The following CPNE4 variants were observed in gnomAD, a reference collection of about 807,000 sequenced individuals.
The protein encoded by CPNE4 is copine-4.
A neutral mutation model predicts 67.9 loss-of-function variants in CPNE4; 25 were observed. The ratio of observed to expected loss-of-function variants is 0.37; its 90% CI spans 0.27 to 0.51. The LOEUF (loss-of-function observed/expected upper bound fraction) is 0.51. Among genes scored for constraint, CPNE4 ranks in the 20% least tolerant of loss-of-function variants. CPNE4 has a pLI of 0.93. For synonymous variants in CPNE4, 242 were observed against 244.9 expected, an observed-to-expected ratio of 0.99 and a Z score of 0.11; for missense variants, 464 against 690.8, an observed-to-expected ratio of 0.67 and a Z score of 3.68.
At chr3:131,625,220 CTAT>C (rs2079045085) in intron 7 of CPNE4, among the ~76,000 whole-genome samples, 1 of 152,192 alleles carries the variant, frequency 6.6e-6, no homozygotes, top group African/African-American at 2.4e-5. Flanking sequence ...GGTCAAGGAA[CTAT>C]TATTTAAAGA....
At chr3:131,697,276 T>C (rs77320988) in intron 4 of CPNE4, among the ~76,000 whole-genome samples, 20,777 of 152,076 alleles carry the variant, frequency 0.14, 1,637 homozygotes, top group African/African-American at 0.2. Flanking sequence ...CAGAAATTGG[T>C]GGAGAAAGTC....
intron 8 of CPNE4, among the ~76,000 whole-genome samples, chr3:131,582,706 G>A (rs1194659769): frequency 1.3e-5 from 2 of 152,186 alleles, no homozygotes; most frequent in Non-Finnish European, 2.9e-5. Flanking sequence ...AAAAGCGCCT[G>A]TGTATTGGGG....
At chr3:131,536,402 A>G (rs1935148161) in intron 15 of CPNE4, among the ~76,000 whole-genome samples, 1 of 152,208 alleles carries the variant, frequency 6.6e-6, no homozygotes, top group Non-Finnish European at 1.5e-5. Context: ...TGGGCAAGCA[A>G]TTTCAATGGC....
Position 132,034,575 on chromosome 3 carries a change from G to C in CPNE4, c.-10C>G. ...AGTTGGCATTTACTTACCTGGGTGT[G>C]CCAATCTCGAAGAGTGGAGAGAGAA... On this transcript the variant is annotated 5_prime_UTR_variant, in exon 1 of 16. Transcript: ENST00000429747. 1 of 984,968 alleles carries C rather than the reference G, an allele frequency of 1.0e-6. No homozygotes were observed. Among genetic ancestry groups the C allele is most frequent in the Non-Finnish European group, 1.2e-6 (1 of 829,494 alleles). 61.0% of individuals were successfully genotyped at this position (984,968 alleles called of 1,614,324 possible).
At chr3:131,857,985 G>A (rs2086517624) in intron 2 of CPNE4, among the ~76,000 whole-genome samples, 1 of 152,062 alleles carries the variant, frequency 6.6e-6, no homozygotes, top group African/African-American at 2.4e-5. Flanking sequence ...TCTAAATTAT[G>A]CAAATAAGTC....
At chr3:132,031,016 C>A (rs77377439) in intron 1 of CPNE4, among the ~76,000 whole-genome samples, 7,336 of 152,078 alleles carry the variant, frequency 0.048, 236 homozygotes, top group Non-Finnish European at 0.065. Context: ...GATGTGTAAC[C>A]CCAACCTAAA....
chr3:131,549,998 G>T lies in CPNE4; in HGVS notation c.1251C>A (p.Ile417=). Residue 417 remains isoleucine (I), a synonymous_variant, in exon 14 of 16, where the codon ATC becomes ATA. Coordinates refer to ENST00000429747, the MANE Select transcript of CPNE4 (RefSeq NM_130808.3). ...LYGPTNIAPI[I]QKVAKSASEE... ...CTGACGCTGACTTGGCAACCTTCTG[G>T]ATGATGGGGGCAATGTTGGTGGGAC... 6.2e-7 allele frequency: 1 copy of T among 1,613,200 alleles called. No homozygotes were observed. Among genetic ancestry groups the T allele is most frequent in the Non-Finnish European group, 8.5e-7 (1 of 1,179,442 alleles).
At chr3:132,026,773 G>A (rs2074123990) in intron 1 of CPNE4, among the ~76,000 whole-genome samples, 1 of 152,280 alleles carries the variant, frequency 6.6e-6, no homozygotes, top group East Asian at 1.9e-4. Flanking sequence ...GGTTGGGAAA[G>A]TAGGAAAAAA....
At position 132,034,900 on chromosome 3, in the gene CPNE4, G is replaced by A. The variant is rs1424090054; in HGVS notation, c.-335C>T. ...TAAAGAGGAGGGTACTGAGAAAAGA[G>A]GGAGGGAGTGGAGTGGAGCGAGGGA... On this transcript the variant is annotated 5_prime_UTR_variant, in exon 1 of 16. Transcript: ENST00000429747. 4 of 985,366 alleles carry A rather than the reference G, an allele frequency of 4.1e-6. No individual in the cohort carries two copies. Among genetic ancestry groups the A allele is most frequent in the Non-Finnish European group, 4.8e-6 (4 of 829,990 alleles). 61.0% of individuals were successfully genotyped at this position (985,366 alleles called of 1,614,324 possible). A position where few individuals can be genotyped will look rare whatever the true frequency, so the allele number is the denominator to read the frequency against.
intron 1 of CPNE4, among the ~76,000 whole-genome samples, chr3:131,918,920 G>A (rs150448910): frequency 0.012 from 1,826 of 152,254 alleles, 46 homozygotes; most frequent in African/African-American, 0.041. Flanking sequence ...AGAATAACAG[G>A]TAGAGGCATA....
intron 7 of CPNE4, among the ~76,000 whole-genome samples, chr3:131,619,804 C>T (rs1340377121): frequency 6.6e-6 from 1 of 152,112 alleles, no homozygotes; most frequent in Non-Finnish European, 1.5e-5. Flanking sequence ...AATATACACC[C>T]TAAATGGTTA....
chr3:131,890,438 A>G (rs2088068377), intron 2 of CPNE4, among the ~76,000 whole-genome samples: 1 of 151,836 alleles, frequency 6.6e-6, no homozygotes, highest in Admixed American at 6.6e-5. Context: ...TTTTAGAAAA[A>G]AAAAACCTAC....
At chr3:131,567,777 G>A (rs755090259) in intron 10 of CPNE4, among the ~76,000 whole-genome samples, 6 of 151,962 alleles carry the variant, frequency 3.9e-5, no homozygotes, top group Non-Finnish European at 7.4e-5. Flanking sequence ...AAAGGGAATG[G>A]CCAGGTTTTG....
At chr3:131,560,047 A>G (rs1936678345) in intron 11 of CPNE4, among the ~76,000 whole-genome samples, 1 of 152,016 alleles carries the variant, frequency 6.6e-6, no homozygotes, top group Non-Finnish European at 1.5e-5. Context: ...GTCCAAAGTG[A>G]ACTTTAGAAC....
chr3:131,897,491 T>C (rs1240971354), intron 2 of CPNE4, among the ~76,000 whole-genome samples: 1 of 152,090 alleles, frequency 6.6e-6, no homozygotes, highest in Non-Finnish European at 1.5e-5. Flanking sequence ...CTGGGTTCAA[T>C]TTGTCATTGC....
At chr3:131,993,014 G>T (rs1400919413) in intron 1 of CPNE4, among the ~76,000 whole-genome samples, 2 of 135,850 alleles carry the variant, frequency 1.5e-5, no homozygotes, top group Non-Finnish European at 3.3e-5. Context: ...CCCAGTCTTG[G>T]GTATGTCTTT....
At chr3:131,750,140 G>A (rs2082589434) in intron 2 of CPNE4, among the ~76,000 whole-genome samples, 1 of 152,116 alleles carries the variant, frequency 6.6e-6, no homozygotes, top group Non-Finnish European at 1.5e-5. Context: ...ATTAGTATAT[G>A]AATTTGGAAA....
chr3:131,707,020 C>T (rs1362138284), intron 3 of CPNE4, among the ~76,000 whole-genome samples: 1 of 152,164 alleles, frequency 6.6e-6, no homozygotes, highest in African/African-American at 2.4e-5. Flanking sequence ...CTCAGGTTTT[C>T]CTGAAGGATG....
chr3:131,650,718 C>T (rs2079792350), intron 7 of CPNE4, among the ~76,000 whole-genome samples: 1 of 116,790 alleles, frequency 8.6e-6, no homozygotes, highest in South Asian at 2.6e-4. Context: ...GCACTCCAGC[C>T]TGGGGGACAG....
Sources: gnomAD v4.1 joint callset for allele counts (sites outside exome capture counted in the v4.1 genomes callset) on GRCh38, gnomAD v4.1.1 for gene constraint, MANE v1.5 for transcripts, NCBI Gene and HGNC (gene_info 2026-07-23, HGNC 2026-07-21) for gene names.